Variants in GPHN observed in about 807,000 individuals in gnomAD.
GPHN encodes gephyrin.
A neutral mutation model predicts 95.5 loss-of-function variants in GPHN; 17 were observed. The observed-to-expected ratio is 0.18, with a 90% CI of 0.12 to 0.27. The LOEUF is 0.27. GPHN is among the 10% of genes least tolerant of loss of function. The probability of loss-of-function intolerance (pLI) is 1.00; values close to 1 mark genes in which losing one functional copy is unlikely to be tolerated. For missense variants in GPHN, 660 were observed against 978.1 expected (o/e 0.67, Z 4.34); for synonymous variants, 320 against 322.5 (o/e 0.99, Z 0.08).
chr14:66,695,239 C>G (rs188458175), intron 2 of GPHN, among the ~76,000 whole-genome samples: 15 of 152,120 alleles, frequency 9.9e-5, no homozygotes, highest in Non-Finnish European at 1.5e-4. Flanking sequence ...AAACACCTCA[C>G]CAAAGAAGAT....
At position 67,094,424 on chromosome 14, in the gene GPHN, T is replaced by G. The variant is rs773689669; in HGVS notation, c.1237+5349T>G. ...ATTGCTTTTATCACTTCTTTCAAAT[T>G]AAATTCTACAGTTGCAAAGCAGAAA... On this transcript the variant is annotated intron_variant, in intron 12 of 22. Transcript: ENST00000478722. Among the ~76,000 whole-genome samples, 75 of 152,166 alleles carry G rather than the reference T, an allele frequency of 4.9e-4. 1 individual carries two copies. The highest frequency in any genetic ancestry group is 4.1e-3 in the Admixed American group (62 of 15,268).
At chr14:66,722,084 ATTAC>A (rs201495919) in intron 2 of GPHN, among the ~76,000 whole-genome samples, 2,006 of 151,914 alleles carry the variant, frequency 0.013, 20 homozygotes, top group Middle Eastern at 0.021. Context: ...AGTATTGTTT[ATTAC>A]TTTATTACTT....
the GPHN span, among the ~76,000 whole-genome samples, chr14:67,435,281 T>A: frequency 6.6e-6 from 1 of 152,146 alleles, no homozygotes; most frequent in African/African-American, 2.4e-5. Context: ...CCTCTTCTTA[T>A]AAAGCTACCA....
At chr14:67,387,701 T>G in the GPHN span, among the ~76,000 whole-genome samples, 1 of 152,242 alleles carries the variant, frequency 6.6e-6, no homozygotes, top group Non-Finnish European at 1.5e-5. Context: ...CCCTCTTGCC[T>G]GCTCCCTATG....
chr14:67,430,008 A>C, the GPHN span, among the ~76,000 whole-genome samples: 1 of 152,300 alleles, frequency 6.6e-6, no homozygotes, highest in African/African-American at 2.4e-5. Flanking sequence ...GATGGTACCC[A>C]GGTTTGTCTT....
chr14:67,515,407 C>CCGG, the GPHN span: 14,228 of 178,774 alleles, frequency 0.08, 613 homozygotes, highest in South Asian at 0.16. Flanking sequence ...AAAGGAGCCC[C>CCGG]CGGCGGCGGC....
intron 10 of GPHN, among the ~76,000 whole-genome samples, chr14:67,033,118 G>A (rs2074265828): frequency 6.6e-6 from 1 of 152,032 alleles, no homozygotes; most frequent in Non-Finnish European, 1.5e-5. Context: ...TGGAGCCAAA[G>A]GATACAATAA....
At position 67,101,456 on chromosome 14, in the gene GPHN, A is replaced by G. The variant is rs190214914; in HGVS notation, c.1293+545A>G. Among the ~76,000 whole-genome samples the G allele has an allele frequency of 7.2e-5, 11 of 152,086 alleles. No homozygotes were observed. In the East Asian group the frequency reaches 2.1e-3, roughly 29 times the overall value. ...TAATTGGCCACTTAATTGAAAAATC[A>G]GTTAAAGTGGGAAATTATTTTATAT... On this transcript the variant is annotated intron_variant, in intron 13 of 22. Coordinates refer to ENST00000478722, the MANE Select transcript of GPHN (RefSeq NM_020806.5).
chr14:67,298,494 G>A, the GPHN span, among the ~76,000 whole-genome samples: 49 of 146,302 alleles, frequency 3.3e-4, no homozygotes, highest in Non-Finnish European at 6.5e-4. Flanking sequence ...CAGCCTGGGC[G>A]ACAAGAGTGA....
intron 18 of GPHN, among the ~76,000 whole-genome samples, chr14:67,150,670 G>A (rs1241436030): frequency 6.6e-6 from 1 of 151,926 alleles, no homozygotes; most frequent in African/African-American, 2.4e-5. Flanking sequence ...AAAGAACATG[G>A]CTGAGGTTTT....
At chr14:67,584,090 G>A in the GPHN span, 1 of 1,613,936 alleles carries the variant, frequency 6.2e-7, no homozygotes, top group South Asian at 1.1e-5. Flanking sequence ...GCCAGGAAAT[G>A]GCCTTTCTTT....
At chr14:66,868,013 C>A (rs1200115192) in intron 4 of GPHN, among the ~76,000 whole-genome samples, 1 of 152,146 alleles carries the variant, frequency 6.6e-6, no homozygotes, top group Non-Finnish European at 1.5e-5. Flanking sequence ...TGGGGCCCAG[C>A]AATCTGTATT....
chr14:67,264,136 G>A, the GPHN span, among the ~76,000 whole-genome samples: 7 of 152,152 alleles, frequency 4.6e-5, no homozygotes, highest in Non-Finnish European at 1.0e-4. Context: ...GCAACCATAT[G>A]TACAAGAGTA....
At chr14:67,272,696 T>C in the GPHN span, among the ~76,000 whole-genome samples, 1 of 152,160 alleles carries the variant, frequency 6.6e-6, no homozygotes, top group Non-Finnish European at 1.5e-5. Context: ...TCTCGCGCTG[T>C]CTCCCAGGCT....
intron 16 of GPHN, among the ~76,000 whole-genome samples, chr14:67,115,190 C>G (rs952763242): frequency 6.6e-6 from 1 of 151,664 alleles, no homozygotes; most frequent in East Asian, 1.9e-4. Context: ...TAGTTTTGTT[C>G]AGCAGATAAT....
chr14:67,375,960 A>G, the GPHN span, among the ~76,000 whole-genome samples: 1 of 152,150 alleles, frequency 6.6e-6, no homozygotes, highest in Non-Finnish European at 1.5e-5. Context: ...TTTATGTGTA[A>G]CTATGATGAA....
At chr14:67,606,793 C>T in the GPHN span, among the ~76,000 whole-genome samples, 9 of 152,084 alleles carry the variant, frequency 5.9e-5, no homozygotes, top group African/African-American at 2.2e-4. Flanking sequence ...ACTACAGGCA[C>T]GTGCCACCAT....
intron 10 of GPHN, among the ~76,000 whole-genome samples, chr14:67,025,456 G>C (rs1425263886): frequency 6.6e-6 from 1 of 152,092 alleles, no homozygotes; most frequent in Non-Finnish European, 1.5e-5. Flanking sequence ...TTCTCTTTCT[G>C]TTTTGTTAGT....
At chr14:67,490,618 A>G in the GPHN span, among the ~76,000 whole-genome samples, 5 of 152,096 alleles carry the variant, frequency 3.3e-5, no homozygotes, top group African/African-American at 1.2e-4. Flanking sequence ...CTTTCCTATA[A>G]CTATTTAAGG....
Sources: allele counts gnomAD v4.1 joint callset (sites outside exome capture counted in the v4.1 genomes callset), GRCh38; gene constraint gnomAD v4.1.1; transcripts MANE v1.5; gene names NCBI Gene and HGNC (gene_info 2026-07-23, HGNC 2026-07-21).